FBXL2: variants seen among roughly 807,000 people sequenced by gnomAD.
FBXL2 encodes F-box and leucine rich repeat protein 2.
Under a neutral mutation model 69.2 loss-of-function variants are expected in FBXL2, and 38 were observed. The ratio of observed to expected loss-of-function variants is 0.55; its 90% CI spans 0.42 to 0.72. FBXL2 has a LOEUF of 0.72. Ranked by LOEUF, FBXL2 falls within the 30% of genes least tolerant of loss-of-function variation. The pLI, the probability that FBXL2 is intolerant of heterozygous loss-of-function variation, is 0.00. For synonymous variants in FBXL2, 192 were observed against 201.3 expected (o/e 0.95, Z 0.39); for missense variants, 354 against 520.3 (o/e 0.68, Z 3.11).
At chr3:33,403,927 A>T (rs1559675888), downstream of FBXL2, among the ~76,000 whole-genome samples, 1 of 152,164 alleles carries the variant, frequency 6.6e-6, no homozygotes, top group African/African-American at 2.4e-5. Context: ...GAAAGGCATC[A>T]CATCTAACTA....
At position 33,393,981 on chromosome 3, in the gene FBXL2, G is replaced by C. The variant is rs937178718; in HGVS notation, n.1214+8253G>C. ...ATAATATATACTTCATGTATTTCTA[G>C]CAATATACAAAAAGAACCCTAAAAG... is the stretch of plus-strand genomic sequence containing the variant. On this transcript the variant is annotated intron_variant and non_coding_transcript_variant, in intron 12 of 12. Coordinates refer to the FBXL2 transcript ENST00000463736. Among the ~76,000 whole-genome samples the C allele has an allele frequency of 4.4e-4, 67 of 152,038 alleles. 1 individual carries two copies. Among genetic ancestry groups the C allele is most frequent in the Admixed American group, 4.4e-3 (67 of 15,264 alleles).
At chr3:33,372,283 AC>A (rs908953057) in intron 5 of FBXL2, 37 of 152,162 alleles carry the variant, frequency 2.4e-4, no homozygotes, top group African/African-American at 8.5e-4. Flanking sequence ...TCTCTTTGTG[AC>A]GTTCTCTCTA....
downstream of FBXL2, chr3:33,390,148 G>T: frequency 1.6e-6 from 1 of 622,138 alleles, no homozygotes; most frequent in Non-Finnish European, 2.8e-6. Context: ...GAGGATGCTT[G>T]GCTATGGCAG....
At chr3:33,312,446 T>C (rs1334318507) in intron 2 of FBXL2, among the ~76,000 whole-genome samples, 4 of 152,224 alleles carry the variant, frequency 2.6e-5, no homozygotes, top group African/African-American at 9.6e-5. Flanking sequence ...GATGGTGTTA[T>C]GTTTTCCTGA....
intron 1 of FBXL2, among the ~76,000 whole-genome samples, chr3:33,287,112 G>C (rs2034715790): frequency 6.6e-6 from 1 of 152,162 alleles, no homozygotes; most frequent in Middle Eastern, 3.2e-3. Flanking sequence ...CTCACGCTGG[G>C]AGCTATAGAC....
At chr3:33,294,346 C>T (rs889752065) in intron 1 of FBXL2, among the ~76,000 whole-genome samples, 2 of 152,126 alleles carry the variant, frequency 1.3e-5, no homozygotes, top group African/African-American at 2.4e-5. Flanking sequence ...ATCCTCCTGC[C>T]TTGGCCTCCC....
At chr3:33,416,505 T>C in the FBXL2 span, among the ~76,000 whole-genome samples, 1 of 152,244 alleles carries the variant, frequency 6.6e-6, no homozygotes, top group African/African-American at 2.4e-5. Context: ...TAGGTTTTTG[T>C]TGTGGTGATG....
chr3:33,419,683 T>C, the FBXL2 span, among the ~76,000 whole-genome samples: 1 of 151,488 alleles, frequency 6.6e-6, no homozygotes, highest in African/African-American at 2.4e-5. Flanking sequence ...CTTGCTACGC[T>C]TAAAGTGGTT....
chr3:33,284,562 C>A lies in FBXL2; in HGVS notation c.3+7047C>A, dbSNP rs1187433607. Among the ~76,000 whole-genome samples, 3 of 152,250 alleles carry A rather than the reference C, an allele frequency of 2.0e-5. No individual in the cohort carries two copies. In the South Asian group the frequency reaches 6.2e-4, roughly 32 times the overall value. On this transcript the variant is annotated intron_variant, in intron 1 of 14. Coordinates refer to ENST00000484457, the MANE Select transcript of FBXL2 (RefSeq NM_012157.5). ...AGAGTTCTGTAGATGTCTATTAGGTCCGCTTGGTGCAGAGCTGAGTTCAAT... is the reference window on the plus strand; with the variant it reads ...AGAGTTCTGTAGATGTCTATTAGGTACGCTTGGTGCAGAGCTGAGTTCAAT...
intron 2 of FBXL2, among the ~76,000 whole-genome samples, chr3:33,320,389 A>G (rs1366598587): frequency 6.6e-6 from 1 of 152,218 alleles, no homozygotes; most frequent in Non-Finnish European, 1.5e-5. Context: ...TACAAAAAAA[A>G]TCATAATTGA....
chr3:33,305,555 T>C (rs1482063869), intron 2 of FBXL2, among the ~76,000 whole-genome samples: 1 of 151,964 alleles, frequency 6.6e-6, no homozygotes, highest in Middle Eastern at 3.2e-3. Context: ...TTTGAATTAA[T>C]ATAAGCCTCA....
intron 1 of FBXL2, among the ~76,000 whole-genome samples, chr3:33,283,357 T>A (rs529843848): frequency 1.3e-5 from 2 of 152,232 alleles, no homozygotes; most frequent in Non-Finnish European, 2.9e-5. Context: ...CGTTTATTGA[T>A]TTGTGTATGT....
At chr3:33,286,636 G>T (rs578023384) in intron 1 of FBXL2, among the ~76,000 whole-genome samples, 1 of 152,370 alleles carries the variant, frequency 6.6e-6, no homozygotes, top group South Asian at 2.1e-4. Flanking sequence ...GCCCCCAGAG[G>T]TGGAGTCTAC....
At chr3:33,292,260 A>G (rs1197052817) in intron 1 of FBXL2, among the ~76,000 whole-genome samples, 1 of 152,104 alleles carries the variant, frequency 6.6e-6, no homozygotes, top group Non-Finnish European at 1.5e-5. Context: ...CACACCTGTA[A>G]TCCCAGCTTC....
chr3:33,307,737 A>G (rs1178981121), intron 2 of FBXL2, among the ~76,000 whole-genome samples: 1 of 152,170 alleles, frequency 6.6e-6, no homozygotes, highest in East Asian at 1.9e-4. Context: ...GATAATGCAA[A>G]TGCAGTATAA....
intron 2 of FBXL2, among the ~76,000 whole-genome samples, chr3:33,302,874 G>A (rs1468202372): frequency 6.6e-6 from 1 of 152,234 alleles, no homozygotes; most frequent in South Asian, 2.1e-4. Context: ...ATTATAAAAT[G>A]ACTAGCACAT....
intron 2 of FBXL2, among the ~76,000 whole-genome samples, chr3:33,345,653 CATAA>C (rs1239693608): frequency 2.0e-5 from 3 of 152,124 alleles, no homozygotes; most frequent in African/African-American, 7.2e-5. Context: ...CATTCTAAGT[CATAA>C]AACACTCAAC....
intron 2 of FBXL2, among the ~76,000 whole-genome samples, chr3:33,319,572 T>G (rs1240235983): frequency 6.6e-6 from 1 of 152,198 alleles, no homozygotes; most frequent in East Asian, 1.9e-4. Context: ...ACTGTATCAT[T>G]GCCTGGGGAA....
At position 33,283,590 on chromosome 3, in the gene FBXL2, T is replaced by G. The variant is rs542102556; in HGVS notation, c.3+6075T>G. ...AATGAGTTAGGGAGGATACCCTCTT[T>G]TTCTATTGATTGGAATAGTTTCAGA... is the stretch of plus-strand genomic sequence containing the variant. On this transcript the variant is annotated intron_variant, in intron 1 of 14. Transcript: ENST00000484457. Among the ~76,000 whole-genome samples, 177 of 152,342 alleles carry G rather than the reference T, an allele frequency of 1.2e-3. 1 individual carries two copies. Among genetic ancestry groups the G allele is most frequent in the African/African-American group, 4.1e-3 (171 of 41,580 alleles).
Sources: gnomAD v4.1 joint callset for allele counts (sites outside exome capture counted in the v4.1 genomes callset) on GRCh38, gnomAD v4.1.1 for gene constraint, MANE v1.5 for transcripts, NCBI Gene and HGNC (gene_info 2026-07-23, HGNC 2026-07-21) for gene names.